The following KRAS variants were observed in gnomAD, a reference collection of about 807,000 sequenced individuals.
KRAS encodes the protein KRas proto-oncogene, GTPase, also known as GTPase KRas.
KRAS carries 1 observed loss-of-function variant against 21.0 expected under a neutral mutation model. That is an observed-to-expected ratio of 0.05 (90% confidence interval 0.02 to 0.23). The LOEUF is 0.23. KRAS is among the 10% of genes least tolerant of loss of function. The probability of loss-of-function intolerance (pLI) is 1.00; values close to 1 mark genes in which losing one functional copy is unlikely to be tolerated. For synonymous variants in KRAS, 67 were observed against 72.5 expected (o/e 0.92, Z 0.39); for missense variants, 107 against 221.8 (o/e 0.48, Z 3.29).
At chr12:25,248,732 G>A (rs1951722074) in intron 1 of KRAS, among the ~76,000 whole-genome samples, 1 of 151,964 alleles carries the variant, frequency 6.6e-6, no homozygotes. Flanking sequence ...ATCCCTCACC[G>A]AGAGTTAGAA....
intron 4 of KRAS, among the ~76,000 whole-genome samples, chr12:25,213,858 C>G (rs926350834): frequency 6.6e-6 from 1 of 152,116 alleles, no homozygotes; most frequent in African/African-American, 2.4e-5. Context: ...GAGTTTAATA[C>G]GGGTTTAGAA....
At chr12:25,243,791 AAAATGGG>A (rs1184926408) in intron 2 of KRAS, among the ~76,000 whole-genome samples, 2 of 152,326 alleles carry the variant, frequency 1.3e-5, no homozygotes, top group Admixed American at 1.3e-4. Context: ...AATACAGATT[AAAATGGG>A]TGCACTATTC....
At chr12:25,246,363 G>A (rs1011050470) in intron 1 of KRAS, among the ~76,000 whole-genome samples, 7 of 152,104 alleles carry the variant, frequency 4.6e-5, no homozygotes, top group Non-Finnish European at 1.0e-4. Flanking sequence ...TTCAAGACCA[G>A]CCTGGCCAAT....
chr12:25,242,311 G>C (rs1398329062), intron 2 of KRAS, among the ~76,000 whole-genome samples: 15 of 152,128 alleles, frequency 9.9e-5, no homozygotes, highest in Non-Finnish European at 1.0e-4. Context: ...TTTGGTAAGT[G>C]ATCAACTAAT....
At chr12:25,212,741 G>C (rs11047894) in intron 4 of KRAS, among the ~76,000 whole-genome samples, 74,836 of 151,736 alleles carry the variant, frequency 0.49, 19,385 homozygotes, top group East Asian at 0.8. Flanking sequence ...GTTTATCATT[G>C]TCAAATTTTT....
intron 4 of KRAS, among the ~76,000 whole-genome samples, chr12:25,217,545 A>C (rs1951269606): frequency 6.6e-6 from 1 of 152,178 alleles, no homozygotes; most frequent in African/African-American, 2.4e-5. Flanking sequence ...TTTTTAATGG[A>C]ATCAATTTAG....
At chr12:25,214,772 C>T (rs1192676691) in intron 4 of KRAS, among the ~76,000 whole-genome samples, 1 of 152,164 alleles carries the variant, frequency 6.6e-6, no homozygotes, top group Non-Finnish European at 1.5e-5. Flanking sequence ...GAGGTTCTAA[C>T]AGTCCAACAA....
chr12:25,221,290 T>C (rs1951322214), intron 4 of KRAS, among the ~76,000 whole-genome samples: 1 of 150,816 alleles, frequency 6.6e-6, no homozygotes, highest in African/African-American at 2.4e-5. Context: ...TGGTGTGCAC[T>C]GGCTTGATCT....
intron 2 of KRAS, among the ~76,000 whole-genome samples, chr12:25,244,215 A>G (rs1251026663): frequency 3.3e-5 from 5 of 152,224 alleles, no homozygotes; most frequent in Non-Finnish European, 5.9e-5. Flanking sequence ...TGGAACTTGA[A>G]GAAAGTTCTT....
intron 4 of KRAS, among the ~76,000 whole-genome samples, chr12:25,222,926 T>A (rs959446462): frequency 6.6e-6 from 1 of 152,180 alleles, no homozygotes; most frequent in African/African-American, 2.4e-5. Context: ...CTAACAAGAC[T>A]CTTTTTATGT....
At chr12:25,231,092 C>CT (rs34361223) in intron 2 of KRAS, among the ~76,000 whole-genome samples, 925 of 66,416 alleles carry the variant, frequency 0.014, 60 homozygotes, top group Non-Finnish European at 0.016. Context: ...ACCTCACATT[C>CT]TTTTTTTTTT....
At chr12:25,223,042 AG>A (rs1951347910) in intron 4 of KRAS, among the ~76,000 whole-genome samples, 1 of 152,236 alleles carries the variant, frequency 6.6e-6, no homozygotes, top group Non-Finnish European at 1.5e-5. Flanking sequence ...CTTCTGAATT[AG>A]AATCTGGATT....
In KRAS at chr12:25,206,830, C is replaced by G. The variant is rs1160978862; in HGVS notation, c.*2965G>C. 1.5e-5 allele frequency: 3 copies of G among 198,530 alleles called. No homozygotes were observed. Among genetic ancestry groups the G allele is most frequent in the Admixed American group, 6.0e-5 (1 of 16,582 alleles). 12.3% of individuals were successfully genotyped at this position (198,530 alleles called of 1,614,324 possible). A position where few individuals can be genotyped will look rare whatever the true frequency, so the allele number is the denominator to read the frequency against. ...TTTAAGTATATTTTAATTACTTATG[C>G]AGAGAAAACTGGAATATTACACATT... is the stretch of plus-strand genomic sequence containing the variant. On this transcript the variant is annotated 3_prime_UTR_variant, in exon 5 of 5. Coordinates refer to ENST00000311936, the MANE Select transcript of KRAS (RefSeq NM_004985.5).
chr12:25,225,879 A>G (rs1951386345), intron 3 of KRAS, 106 bp from the exon 4 acceptor site: 3 of 1,061,412 alleles, frequency 2.8e-6, no homozygotes, highest in Non-Finnish European at 4.2e-6. Context: ...AAACAATGTA[A>G]TTCCTAGTTT....
chr12:25,246,201 A>G (rs1951678514), intron 1 of KRAS, among the ~76,000 whole-genome samples: 1 of 151,778 alleles, frequency 6.6e-6, no homozygotes, highest in South Asian at 2.1e-4. Flanking sequence ...AAAAACCAAG[A>G]GAACTCCGAA....
rs1383269474 is a variant in KRAS at position 25,213,714 on chromosome 12, TGTA to T, written c.451-3806_451-3804del. On this transcript the variant is annotated intron_variant, in intron 4 of 4. Transcript: ENST00000311936. ...ACCAACTTGTAATAAATATAATAAA[TGTA>T]GTAGTTTTTGAAAACTGTAATTTTA... Among the ~76,000 whole-genome samples, 4 of 152,318 alleles carry T rather than the reference TGTA, an allele frequency of 2.6e-5. No individual in the cohort carries two copies. In the East Asian group the frequency reaches 7.7e-4, roughly 29 times the overall value.
chr12:25,246,065 G>A (rs971916112), intron 1 of KRAS, among the ~76,000 whole-genome samples: 2 of 151,052 alleles, frequency 1.3e-5, no homozygotes, highest in African/African-American at 4.9e-5. Flanking sequence ...AAATATCTCT[G>A]GGGAAAATAG....
At chr12:25,235,312 A>G (rs377357117) in intron 2 of KRAS, 168 of 479,526 alleles carry the variant, frequency 3.5e-4, no homozygotes, top group African/African-American at 3.0e-3. Context: ...AATTCACTGT[A>G]GAATGATGTG....
rs1382696398 is a variant in KRAS, at chr12:25,205,516, T to C, written c.*4279A>G. Reference sequence around the variant, plus strand: ...AATGTGCATGTTTCAGTTTACACTATACAAAAATAGTTAAAATACATTCCA... The same window carrying C: ...AATGTGCATGTTTCAGTTTACACTACACAAAAATAGTTAAAATACATTCCA... On this transcript the variant is annotated 3_prime_UTR_variant, in exon 5 of 5. Coordinates refer to ENST00000311936, the MANE Select transcript of KRAS (RefSeq NM_004985.5). 3 of 215,612 alleles carry C rather than the reference T, an allele frequency of 1.4e-5. No homozygotes were observed. The highest frequency in any genetic ancestry group is 1.9e-4 in the South Asian group (1 of 5,360). 13.4% of individuals were successfully genotyped at this position (215,612 alleles called of 1,614,324 possible). A position where few individuals can be genotyped will look rare whatever the true frequency, so the allele number is the denominator to read the frequency against.
Sources: allele counts gnomAD v4.1 joint callset (sites outside exome capture counted in the v4.1 genomes callset), GRCh38; gene constraint gnomAD v4.1.1; transcripts MANE v1.5; gene names NCBI Gene and HGNC (gene_info 2026-07-23, HGNC 2026-07-21).